Variants in MORC3 observed in about 807,000 individuals in gnomAD.
The protein encoded by MORC3 is MORC family CW-type zinc finger protein 3.
MORC3 carries 31 observed loss-of-function variants against 109.1 expected under a neutral mutation model. The observed-to-expected ratio is 0.28, with a 90% CI of 0.21 to 0.38. MORC3 has a LOEUF of 0.38. Ranked by LOEUF, MORC3 falls within the 10% of genes least tolerant of loss-of-function variation. MORC3 has a pLI of 1.00. For missense variants in MORC3, 867 were observed against 1,135.8 expected (o/e 0.76, Z 3.40); for synonymous variants, 395 against 380.7 (o/e 1.04, Z -0.44).
intron 15 of MORC3, among the ~76,000 whole-genome samples, chr21:36,370,501 T>G (rs1366515114): frequency 6.6e-6 from 1 of 151,488 alleles, no homozygotes; most frequent in South Asian, 2.1e-4. Flanking sequence ...CTTTTAAGTA[T>G]AGTTAATCCT....
chr21:36,338,930 G>A lies in MORC3; in HGVS notation c.608+9G>A. On this transcript the variant is annotated intron_variant, in intron 5 of 16. Transcript: ENST00000400485. ...ATTTGGAATCTTAGAAGGTAAACGT[G>A]GACATAGATGTTGACCGTTTGGGAA... The A allele has an allele frequency of 6.2e-7, 1 of 1,613,150 alleles. No homozygotes were observed. Among genetic ancestry groups the A allele is most frequent in the Middle Eastern group, 1.7e-4 (1 of 6,058 alleles).
At chr21:36,361,487 G>A (rs2085714747) in intron 12 of MORC3, among the ~76,000 whole-genome samples, 1 of 133,826 alleles carries the variant, frequency 7.5e-6, no homozygotes, top group Non-Finnish European at 1.5e-5. Context: ...AGATTGTAGT[G>A]AGCCGAGCAC....
chr21:36,368,959 TTA>T, intron 14 of MORC3, 27 bp from the exon 15 acceptor site: 1 of 1,519,908 alleles, frequency 6.6e-7, no homozygotes, highest in Non-Finnish European at 8.9e-7. Flanking sequence ...TTTTATAATC[TTA>T]TGTTTTATGT....
At chr21:36,337,074 T>TAA in intron 3 of MORC3, 68 bp downstream of exon 3, 1 of 1,544,572 alleles carries the variant, frequency 6.5e-7, no homozygotes, top group East Asian at 2.3e-5. Context: ...ATGCCATACT[T>TAA]ACTATTCTTG....
At chr21:36,322,595 T>C (rs565750702) in intron 1 of MORC3, among the ~76,000 whole-genome samples, 3 of 152,186 alleles carry the variant, frequency 2.0e-5, no homozygotes, top group Non-Finnish European at 4.4e-5. Flanking sequence ...TGGTCTCAAA[T>C]TCCCAACCTC....
chr21:36,356,384 GT>G (rs1192367344), intron 9 of MORC3, among the ~76,000 whole-genome samples: 1 of 151,928 alleles, frequency 6.6e-6, no homozygotes, highest in South Asian at 2.1e-4. Context: ...GTTCTTGGAA[GT>G]TTTTTTCAAA....
Position 36,369,043 on chromosome 21 carries a change from TTGAG to T in MORC3, c.1677_1680del (p.Ser560ValfsTer20). ...AATTTTGAATGCAAAGAATCGGAGA[TTGAG>T]TAGTCAGTTTGAAAATTCAGTTTAT... On this transcript the variant is annotated frameshift_variant, in exon 15 of 17. Coordinates refer to ENST00000400485, the MANE Select transcript of MORC3 (RefSeq NM_015358.3). LOFTEE classifies it high-confidence loss of function. 6.2e-7 allele frequency: 1 copy of T among 1,613,884 alleles called. No homozygotes were observed. The highest frequency in any genetic ancestry group is 8.5e-7 in the Non-Finnish European group (1 of 1,179,858).
In MORC3 at chr21:36,364,190, C is replaced by T. The variant is rs1198872950; in HGVS notation, c.1550C>T (p.Thr517Ile). 1 of 1,614,014 alleles carries T rather than the reference C, an allele frequency of 6.2e-7. No homozygotes were observed. The highest frequency in any genetic ancestry group is 8.5e-7 in the Non-Finnish European group (1 of 1,180,000). The change falls in exon 14 of 17, where the codon ACA becomes ATA. Residue 517 changes from threonine (T) to isoleucine (I), a missense_variant. Around this residue, in one of 7 missense-constraint regions of MORC3, gnomAD observed 486 missense variants for 502.1 expected, o/e 0.97. Coordinates refer to ENST00000400485, the MANE Select transcript of MORC3 (RefSeq NM_015358.3). ...SVPRRHLSEG[T>I]NSYATRLLNN... ...CCAAGAAGACATCTTTCAGAAGGAA[C>T]AAATTCTTATGCGACAAGACTTCTA...
rs1204009141 is a variant in MORC3 at position 36,360,505 on chromosome 21, G to GT, written c.1406+248dup. On this transcript the variant is annotated intron_variant, in intron 12 of 16. Transcript: ENST00000400485. ...TAAGAGCAGTCTGCTGTTGTGAGCTGTATGCAGAGGAATCATTAGTGAATA... is the reference window on the plus strand; with the variant it reads ...TAAGAGCAGTCTGCTGTTGTGAGCTGTTATGCAGAGGAATCATTAGTGAATA... The GT allele has an allele frequency of 7.8e-6, 4 of 516,070 alleles. No homozygotes were observed. The East Asian group carries it at 1.3e-4, about 17-fold the overall frequency. The allele number at this position is 516,070 out of a possible 1,614,324, so 32.0% of individuals were successfully genotyped here.
intron 15 of MORC3, 44 bp from the exon 16 acceptor site, chr21:36,372,330 T>A (rs890932036): frequency 1.4e-6 from 2 of 1,463,520 alleles, no homozygotes; most frequent in Admixed American, 5.2e-5. Context: ...GCCATTAGTA[T>A]TTTTAAGTTT....
chr21:36,363,132 A>G (rs2085739532), intron 13 of MORC3, among the ~76,000 whole-genome samples: 2 of 152,176 alleles, frequency 1.3e-5, no homozygotes, highest in African/African-American at 2.4e-5. Flanking sequence ...TATAAGTTGA[A>G]AATGTTTTTA....
At chr21:36,360,313 T>C in intron 12 of MORC3, 55 bp downstream of exon 12, 1 of 1,493,070 alleles carries the variant, frequency 6.7e-7, no homozygotes, top group South Asian at 1.2e-5. Flanking sequence ...TGAACAGTGA[T>C]GCCTTGGCAA....
chr21:36,337,564 AATCTGCCCAAGATT>A (rs2146299364), intron 3 of MORC3, among the ~76,000 whole-genome samples, 154 bp from the exon 4 acceptor site: 1 of 152,278 alleles, frequency 6.6e-6, no homozygotes, highest in South Asian at 2.1e-4. Flanking sequence ...ACAAAAAAGT[AATCTGCCCAAGATT>A]ATACAGCTAG....
At chr21:36,340,666 G>GCT (rs2085434757) in intron 5 of MORC3, among the ~76,000 whole-genome samples, 2 of 54,506 alleles carry the variant, frequency 3.7e-5, no homozygotes, top group Non-Finnish European at 7.0e-5. Flanking sequence ...ATAGCGTTTT[G>GCT]CTCTTTCCCC....
At chr21:36,335,511 TC>T (rs2085366319) in intron 2 of MORC3, among the ~76,000 whole-genome samples, 1 of 152,066 alleles carries the variant, frequency 6.6e-6, no homozygotes, top group Non-Finnish European at 1.5e-5. Flanking sequence ...AGACAGGGTT[TC>T]ACCATATTGG....
At chr21:36,373,577 C>T (rs550430504) in intron 16 of MORC3, among the ~76,000 whole-genome samples, 30 of 151,734 alleles carry the variant, frequency 2.0e-4, no homozygotes, top group Admixed American at 3.9e-4. Flanking sequence ...GAGCCAAGAT[C>T]GCGCCATCAC....
chr21:36,341,290 C>A, intron 5 of MORC3, 109 bp from the exon 6 acceptor site: 1 of 1,033,110 alleles, frequency 9.7e-7, no homozygotes, highest in Non-Finnish European at 1.4e-6. Context: ...CTGACGTGCA[C>A]CATGTGTAGG....
intron 10 of MORC3, among the ~76,000 whole-genome samples, chr21:36,359,556 C>CTTTTTTTTTTTTTTTTTTT (rs5843757): frequency 4.3e-5 from 4 of 93,952 alleles, no homozygotes; most frequent in Admixed American, 1.4e-4. Context: ...CTTTCCTCTC[C>CTTTTTTTTTTTTTTTTTTT]TTTTTTTTTT....
rs556731109 is a variant in MORC3 at position 36,341,252 on chromosome 21, C to T, written c.609-147C>T. On this transcript the variant is annotated intron_variant, in intron 5 of 16. Transcript: ENST00000400485. Reference sequence around the variant, plus strand: ...TCCAGGATCCGTTTTCTTTCTTTTTCTCTTGCCTTTGCACCCCCAACCCCC... The same window carrying T: ...TCCAGGATCCGTTTTCTTTCTTTTTTTCTTGCCTTTGCACCCCCAACCCCC... 9.7e-5 allele frequency: 64 copies of T among 659,710 alleles called. No homozygotes were observed. The African/African-American group carries it at 1.1e-3, about 12-fold the overall frequency. The allele number at this position is 659,710 out of a possible 1,614,324, so 40.9% of individuals were successfully genotyped here. A position where few individuals can be genotyped will look rare whatever the true frequency, so the allele number is the denominator to read the frequency against.
Sources: allele counts gnomAD v4.1 joint callset (sites outside exome capture counted in the v4.1 genomes callset), GRCh38; gene constraint gnomAD v4.1.1; regional missense constraint gnomAD v4.1.1; transcripts MANE v1.5; gene names NCBI Gene and HGNC (gene_info 2026-07-23, HGNC 2026-07-21).